STEAP1B: variants seen among roughly 807,000 people sequenced by gnomAD.
The protein encoded by STEAP1B is STEAP family protein MGC87042.
STEAP1B carries 13 observed loss-of-function variants against 27.9 expected under a neutral mutation model. The observed-to-expected ratio is 0.47, with a 90% confidence interval of 0.30 to 0.74. The LOEUF (loss-of-function observed/expected upper bound fraction) is 0.74. Among genes scored for constraint, STEAP1B ranks in the 30% least tolerant of loss-of-function variants. The pLI is 0.06. For missense variants in STEAP1B, 250 were observed against 298.7 expected (o/e 0.84, Z 1.20); for synonymous variants, 86 against 107.1 (o/e 0.80, Z 1.22).
intron 4 of STEAP1B, among the ~76,000 whole-genome samples, chr7:22,479,836 CG>C (rs57349960): frequency 0.4 from 60,947 of 151,538 alleles, 12,345 homozygotes; most frequent in East Asian, 0.55. Flanking sequence ...AGGCACACAC[CG>C]GCGACGCCCA....
At position 22,491,880 on chromosome 7, in the gene STEAP1B, G is replaced by A. The variant is rs145480650; in HGVS notation, c.762+685C>T. On this transcript the variant is annotated intron_variant, in intron 4 of 4. Coordinates refer to ENST00000678116, the MANE Select transcript of STEAP1B (RefSeq NM_001382447.1). ...CAGCTATGTTCTGTTTGAAAAGGAA[G>A]ATAGAGACAGTAATATGAGGATGTT... is the stretch of plus-strand genomic sequence containing the variant. Among the ~76,000 whole-genome samples, 462 of 152,260 alleles carry A rather than the reference G, an allele frequency of 3.0e-3. 3 individuals are homozygous for A. The highest frequency in any genetic ancestry group is 0.011 in the African/African-American group (443 of 41,562).
In STEAP1B at chr7:22,491,356, G is replaced by A. The variant is rs199961021; in HGVS notation, c.762+1209C>T. ...AAGCCATTGTCCTTGCCTTTAAGAAGTTTGCAGTATGGATGGCTAGATAAT... is the reference window on the plus strand; with the variant it reads ...AAGCCATTGTCCTTGCCTTTAAGAAATTTGCAGTATGGATGGCTAGATAAT... On this transcript the variant is annotated intron_variant, in intron 4 of 4. Transcript: ENST00000678116. 4.8e-3 allele frequency among the ~76,000 whole-genome samples: 730 copies of A among 152,308 alleles called. 4 individuals are homozygous for A. The highest frequency in any genetic ancestry group is 0.017 in the African/African-American group (709 of 41,566).
intron 4 of STEAP1B, among the ~76,000 whole-genome samples, chr7:22,467,004 T>C (rs754069291): frequency 2.0e-5 from 3 of 152,202 alleles, no homozygotes; most frequent in Non-Finnish European, 2.9e-5. Flanking sequence ...ACCTGGCACA[T>C]GGAAAAATGC....
chr7:22,427,113 G>A (rs1562564810), intron 4 of STEAP1B, among the ~76,000 whole-genome samples: 1 of 152,198 alleles, frequency 6.6e-6, no homozygotes, highest in Admixed American at 6.5e-5. Flanking sequence ...GACAGCAGAG[G>A]CCCAGGCCAC....
intron 4 of STEAP1B, among the ~76,000 whole-genome samples, chr7:22,487,379 A>C (rs1459772280): frequency 6.6e-6 from 1 of 152,210 alleles, no homozygotes; most frequent in Non-Finnish European, 1.5e-5. Context: ...GTTTTCTAAA[A>C]TGTCACCATG....
chr7:22,484,395 G>A (rs1786138419), intron 4 of STEAP1B, among the ~76,000 whole-genome samples: 2 of 152,100 alleles, frequency 1.3e-5, no homozygotes, highest in Non-Finnish European at 2.9e-5. Context: ...TCTAGACATG[G>A]CACAAAACCT....
chr7:22,491,886 G>A (rs34720047), intron 4 of STEAP1B, among the ~76,000 whole-genome samples: 11,308 of 152,122 alleles, frequency 0.074, 566 homozygotes, highest in Middle Eastern at 0.14. Context: ...GGAAGATAGA[G>A]ACAGTAATAT....
intron 4 of STEAP1B, among the ~76,000 whole-genome samples, chr7:22,466,891 G>C (rs1280137789): frequency 6.6e-6 from 1 of 152,214 alleles, no homozygotes; most frequent in Non-Finnish European, 1.5e-5. Context: ...TCTTGACCAA[G>C]TTACTTTGCC....
rs921596476 is a variant in STEAP1B at position 22,446,947 on chromosome 7, T to C, written c.763-27111A>G. Reference sequence around the variant, plus strand: ...CTCTCTACAATATTTTTTAGTTTAATTGGGGTCTGGAATGAGATTCTTAAT... The same window carrying C: ...CTCTCTACAATATTTTTTAGTTTAACTGGGGTCTGGAATGAGATTCTTAAT... On this transcript the variant is annotated intron_variant, in intron 4 of 4. Transcript: ENST00000678116. Among the ~76,000 whole-genome samples the C allele has an allele frequency of 4.6e-5, 7 of 152,188 alleles. No individual in the cohort carries two copies. The South Asian group carries it at 1.0e-3, about 22-fold the overall frequency.
intron 4 of STEAP1B, among the ~76,000 whole-genome samples, chr7:22,442,741 G>A (rs969324233): frequency 6.6e-6 from 1 of 152,158 alleles, no homozygotes; most frequent in African/African-American, 2.4e-5. Context: ...TTGAGAAAGG[G>A]GTTAAAAAGA....
chr7:22,448,953 G>A (rs1411954555), intron 4 of STEAP1B, among the ~76,000 whole-genome samples: 1 of 152,092 alleles, frequency 6.6e-6, no homozygotes. Flanking sequence ...GTAGGGACTA[G>A]GTAAGGTAAG....
At chr7:22,469,251 T>C (rs902232321) in intron 4 of STEAP1B, among the ~76,000 whole-genome samples, 3 of 152,228 alleles carry the variant, frequency 2.0e-5, no homozygotes, top group African/African-American at 7.2e-5. Context: ...TAATTTAATA[T>C]ATAAAAAAGC....
At chr7:22,489,763 T>G (rs1786286807) in intron 4 of STEAP1B, among the ~76,000 whole-genome samples, 1 of 152,192 alleles carries the variant, frequency 6.6e-6, no homozygotes, top group African/African-American at 2.4e-5. Context: ...TGGTTCCATA[T>G]GAAGTTTAGA....
intron 4 of STEAP1B, among the ~76,000 whole-genome samples, chr7:22,476,006 T>C (rs1022160865): frequency 6.6e-5 from 10 of 152,270 alleles, no homozygotes; most frequent in Middle Eastern, 3.4e-3. Context: ...TCTTGAACTA[T>C]TTGGCCTCTT....
chr7:22,455,511 T>G (rs1785563719), intron 4 of STEAP1B, among the ~76,000 whole-genome samples: 1 of 152,344 alleles, frequency 6.6e-6, no homozygotes, highest in South Asian at 2.1e-4. Flanking sequence ...ATATACTTGT[T>G]AGATATTTGG....
intron 4 of STEAP1B, among the ~76,000 whole-genome samples, chr7:22,456,951 G>T (rs1454996082): frequency 3.7e-5 from 1 of 27,042 alleles, no homozygotes; most frequent in Non-Finnish European, 9.2e-5. Flanking sequence ...GGGATAGGCA[G>T]CTATATATAT....
intron 4 of STEAP1B, among the ~76,000 whole-genome samples, chr7:22,429,437 C>T (rs1785150719): frequency 6.6e-6 from 1 of 152,150 alleles, no homozygotes; most frequent in Non-Finnish European, 1.5e-5. Flanking sequence ...ATACAATTTA[C>T]AGTAATCTTC....
At chr7:22,454,934 C>T (rs2128405781) in intron 4 of STEAP1B, among the ~76,000 whole-genome samples, 1 of 149,756 alleles carries the variant, frequency 6.7e-6, no homozygotes, top group East Asian at 2.0e-4. Flanking sequence ...GCAATCTCAG[C>T]TCACTGTAAC....
chr7:22,472,697 C>T (rs138392843), intron 4 of STEAP1B, among the ~76,000 whole-genome samples: 197 of 152,294 alleles, frequency 1.3e-3, no homozygotes, highest in Non-Finnish European at 2.4e-3. Context: ...CTTTTCACAG[C>T]AGTCTTCCTT....
Sources: gnomAD v4.1 joint callset for allele counts (sites outside exome capture counted in the v4.1 genomes callset) on GRCh38, gnomAD v4.1.1 for gene constraint, MANE v1.5 for transcripts, NCBI Gene and HGNC (gene_info 2026-07-23, HGNC 2026-07-21) for gene names.